Variants in C2orf42 observed in about 807,000 individuals in gnomAD.
The protein encoded by C2orf42 is chromosome 2 open reading frame 42.
Under a neutral mutation model 58.9 loss-of-function variants are expected in C2orf42, and 44 were observed. The observed-to-expected ratio is 0.75, with a 90% CI of 0.59 to 0.96. The LOEUF (loss-of-function observed/expected upper bound fraction) is 0.96, where lower values mean the gene tolerates loss of function less well. C2orf42 is among the 40% of genes least tolerant of loss of function. C2orf42 has a pLI of 0.00. For synonymous variants in C2orf42, 239 were observed against 265.4 expected (o/e 0.90, Z 0.97); for missense variants, 630 against 699.2 (o/e 0.90, Z 1.12).
At chr2:70,173,596 ATTAC>A (rs1673982604) in intron 5 of C2orf42, among the ~76,000 whole-genome samples, 1 of 151,436 alleles carries the variant, frequency 6.6e-6, no homozygotes, top group African/African-American at 2.4e-5. Context: ...TTCTTAATGA[ATTAC>A]TTAATTAGTA....
chr2:70,187,138 CCTTT>C (rs1270979131), intron 1 of C2orf42, among the ~76,000 whole-genome samples: 2 of 151,722 alleles, frequency 1.3e-5, no homozygotes, highest in Admixed American at 6.6e-5. Context: ...AAAAAAAAAA[CCTTT>C]CTGTCATTAA....
At chr2:70,159,007 G>A (rs1181492900) in intron 9 of C2orf42, among the ~76,000 whole-genome samples, 2 of 148,082 alleles carry the variant, frequency 1.4e-5, no homozygotes, top group Non-Finnish European at 3.0e-5. Flanking sequence ...TGCATCCTGG[G>A]TTCACACCAT....
intron 8 of C2orf42, among the ~76,000 whole-genome samples, chr2:70,164,369 G>A (rs113672445): frequency 1.8e-4 from 27 of 151,964 alleles, no homozygotes; most frequent in African/African-American, 6.5e-4. Context: ...TTCTCGGGCA[G>A]GCACAGTGGC....
chr2:70,187,507 C>A (rs1675028377), intron 1 of C2orf42, among the ~76,000 whole-genome samples: 1 of 152,052 alleles, frequency 6.6e-6, no homozygotes, highest in Admixed American at 6.6e-5. Flanking sequence ...CCTGCCTCGG[C>A]CTCTCAAGTG....
At chr2:70,188,477 G>T (rs536419362) in intron 1 of C2orf42, among the ~76,000 whole-genome samples, 7 of 151,954 alleles carry the variant, frequency 4.6e-5, no homozygotes, top group Non-Finnish European at 1.0e-4. Flanking sequence ...GGCGTGAGCC[G>T]CTATGCCTGG....
intron 9 of C2orf42, among the ~76,000 whole-genome samples, chr2:70,151,763 G>T (rs568336950): frequency 6.6e-6 from 1 of 150,912 alleles, no homozygotes; most frequent in East Asian, 1.9e-4. Flanking sequence ...GACTTCATAA[G>T]CTAATATTTT....
At position 70,165,540 on chromosome 2, in the gene C2orf42, TG is replaced by T. The variant is rs1198419706; in HGVS notation, c.1239del (p.Asn414ThrfsTer34). On this transcript the variant is annotated frameshift_variant, in exon 7 of 10. Coordinates refer to ENST00000264434, the MANE Select transcript of C2orf42 (RefSeq NM_017880.3). LOFTEE classifies it high-confidence loss of function. ...GGAAATCCTGTACCTGTGGTGGAGT[TG>T]GGGAGCCGTTTTTTTGCACTTCCTA... Reference protein sequence around the residue: ...ISIGSAKKRLPNSTTAFVRKD... With the variant: ...ISIGSAKKRLXNSTTAFVRKD... The T allele has an allele frequency of 6.3e-7, 1 of 1,586,242 alleles. No homozygotes were observed. The highest frequency in any genetic ancestry group is 8.7e-7 in the Non-Finnish European group (1 of 1,154,616).
chr2:70,171,356 T>A (rs1673809237), intron 5 of C2orf42, among the ~76,000 whole-genome samples: 2 of 152,164 alleles, frequency 1.3e-5, no homozygotes, highest in Non-Finnish European at 2.9e-5. Context: ...GATGAACATG[T>A]ATCCATATGC....
intron 9 of C2orf42, among the ~76,000 whole-genome samples, chr2:70,157,458 CAA>C (rs1672752748): frequency 1.9e-5 from 2 of 103,624 alleles, no homozygotes. Flanking sequence ...CGTCTCAAAA[CAA>C]ACAAACAAAC....
At chr2:70,168,720 CTT>C (rs11380285) in intron 6 of C2orf42, among the ~76,000 whole-genome samples, 13 of 142,720 alleles carry the variant, frequency 9.1e-5, no homozygotes, top group African/African-American at 7.7e-5. Context: ...GTTTATGTCC[CTT>C]TTTTTTTTTT....
chr2:70,153,032 CAA>C (rs879667551), intron 9 of C2orf42, among the ~76,000 whole-genome samples: 7 of 115,298 alleles, frequency 6.1e-5, no homozygotes, highest in Non-Finnish European at 5.7e-5. Context: ...GACTCCATCT[CAA>C]AAAAAAAAAA....
At chr2:70,159,129 G>A (rs189768200) in intron 9 of C2orf42, among the ~76,000 whole-genome samples, 57 of 143,034 alleles carry the variant, frequency 4.0e-4, no homozygotes, top group Non-Finnish European at 6.4e-4. Context: ...CTTGTGATCC[G>A]CCTGTCTCAG....
chr2:70,183,803 T>C (rs567697504), intron 1 of C2orf42, among the ~76,000 whole-genome samples: 1 of 151,438 alleles, frequency 6.6e-6, no homozygotes, highest in Non-Finnish European at 1.5e-5. Context: ...CTAATAGTAA[T>C]ACATCACATT....
rs562193686 is a variant in C2orf42, at chr2:70,172,434, T to C, written c.1040-2773A>G. Among the ~76,000 whole-genome samples the C allele has an allele frequency of 2.6e-5, 4 of 152,120 alleles. No individual in the cohort carries two copies. In the South Asian group the frequency reaches 8.3e-4, roughly 32 times the overall value. ...GGCTCATGCCTGTAATCCTAGCACTTTGGGAGGCCGAGGCGGGTGGATCTC... is the reference window on the plus strand; with the variant it reads ...GGCTCATGCCTGTAATCCTAGCACTCTGGGAGGCCGAGGCGGGTGGATCTC... On this transcript the variant is annotated intron_variant, in intron 5 of 9. Transcript: ENST00000264434.
chr2:70,179,727 CTTT>C (rs2103619498), intron 3 of C2orf42, 85 bp from the exon 4 acceptor site: 2 of 507,802 alleles, frequency 3.9e-6, no homozygotes, highest in Non-Finnish European at 7.1e-6. Flanking sequence ...AAGTTAATTT[CTTT>C]TTAAAAATCC....
intron 4 of C2orf42, among the ~76,000 whole-genome samples, chr2:70,178,946 A>ATG (rs1421985058): frequency 6.6e-6 from 1 of 151,748 alleles, no homozygotes; most frequent in African/African-American, 2.4e-5. Context: ...AAAGAAAAAA[A>ATG]TGTGTGTGTG....
intron 9 of C2orf42, among the ~76,000 whole-genome samples, chr2:70,156,002 A>G (rs1030077487): frequency 2.0e-5 from 3 of 151,476 alleles, no homozygotes; most frequent in South Asian, 2.1e-4. Flanking sequence ...CTAAAAATAC[A>G]AAATTAGCTG....
chr2:70,184,549 T>C (rs1428903996), intron 1 of C2orf42, among the ~76,000 whole-genome samples: 1 of 141,888 alleles, frequency 7.0e-6, no homozygotes, highest in African/African-American at 2.6e-5. Flanking sequence ...GTGCAGATCA[T>C]GGCTCACTGC....
chr2:70,188,281 G>A (rs74479101), intron 1 of C2orf42, among the ~76,000 whole-genome samples: 16 of 152,044 alleles, frequency 1.1e-4, no homozygotes, highest in Admixed American at 1.3e-4. Context: ...TCTGCCTCCC[G>A]GGTTCAAGCA....
Sources: allele counts gnomAD v4.1 joint callset (sites outside exome capture counted in the v4.1 genomes callset), GRCh38; gene constraint gnomAD v4.1.1; transcripts MANE v1.5; gene names NCBI Gene and HGNC (gene_info 2026-07-23, HGNC 2026-07-21).